Variants in CYP7B1 observed in about 807,000 individuals in gnomAD.
CYP7B1 encodes the protein cytochrome P450 7B1.
Under a neutral mutation model 42.7 loss-of-function variants are expected in CYP7B1, and 29 were observed. That is an observed-to-expected ratio of 0.68 (90% CI 0.51 to 0.93). The LOEUF (loss-of-function observed/expected upper bound fraction) is 0.93, where lower values mean the gene tolerates loss of function less well. CYP7B1 is among the 40% of genes least tolerant of loss of function. The pLI, the probability that CYP7B1 is intolerant of heterozygous loss-of-function variation, is 0.00. For missense variants in CYP7B1, 655 were observed against 600.5 expected (o/e 1.09, Z -0.95); for synonymous variants, 235 against 218.2 (o/e 1.08, Z -0.68).
At chr8:64,771,380 C>T (rs1037269089) in intron 1 of CYP7B1, among the ~76,000 whole-genome samples, 1 of 152,040 alleles carries the variant, frequency 6.6e-6, no homozygotes, top group Non-Finnish European at 1.5e-5. Context: ...TAAAAATGTA[C>T]ATGCTTTAAT....
intron 4 of CYP7B1, among the ~76,000 whole-genome samples, chr8:64,609,126 T>C (rs965503295): frequency 6.6e-6 from 1 of 152,202 alleles, no homozygotes; most frequent in East Asian, 1.9e-4. Flanking sequence ...AAGATCCTAC[T>C]GAAGATATTG....
intron 1 of CYP7B1, among the ~76,000 whole-genome samples, chr8:64,717,273 G>T (rs573211674): frequency 2.6e-5 from 4 of 152,254 alleles, no homozygotes; most frequent in African/African-American, 9.6e-5. Flanking sequence ...ACTGCAGAGG[G>T]AAGGGAGATA....
chr8:64,743,710 T>C (rs529186202), intron 1 of CYP7B1, among the ~76,000 whole-genome samples: 4 of 152,284 alleles, frequency 2.6e-5, no homozygotes, highest in African/African-American at 9.6e-5. Context: ...TAACTTCAAT[T>C]ACTTCTTTAA....
At chr8:64,761,413 T>A (rs1217124779) in intron 1 of CYP7B1, among the ~76,000 whole-genome samples, 3 of 152,154 alleles carry the variant, frequency 2.0e-5, no homozygotes, top group Admixed American at 2.0e-4. Flanking sequence ...TTACATAAGA[T>A]ATACTCATAT....
intron 1 of CYP7B1, among the ~76,000 whole-genome samples, chr8:64,649,961 ACAT>A (rs1246293654): frequency 2.6e-5 from 4 of 152,328 alleles, no homozygotes; most frequent in Admixed American, 2.6e-4. Flanking sequence ...AGATATTAAC[ACAT>A]CATCAGACAT....
intron 1 of CYP7B1, among the ~76,000 whole-genome samples, chr8:64,716,688 C>G (rs989232915): frequency 2.0e-5 from 3 of 152,314 alleles, no homozygotes; most frequent in African/African-American, 7.2e-5. Flanking sequence ...GCTCGGGCAA[C>G]AGAGAGAGAC....
At chr8:64,715,836 C>T (rs575722620) in intron 1 of CYP7B1, among the ~76,000 whole-genome samples, 18 of 152,318 alleles carry the variant, frequency 1.2e-4, no homozygotes, top group African/African-American at 3.8e-4. Flanking sequence ...ATTACAGTTG[C>T]AGGGGAAACC....
intron 1 of CYP7B1, chr8:64,728,137 T>C (rs1807350208): frequency 6.6e-6 from 1 of 152,186 alleles, no homozygotes; most frequent in African/African-American, 2.4e-5. Context: ...CATAAAAGGA[T>C]ACATAATTTT....
intron 1 of CYP7B1, among the ~76,000 whole-genome samples, chr8:64,674,096 G>C (rs549491942): frequency 1.3e-5 from 2 of 151,948 alleles, no homozygotes; most frequent in Admixed American, 1.3e-4. Flanking sequence ...GTGAATGATC[G>C]ACACTAATGG....
At chr8:64,736,426 CA>C (rs1467190440) in intron 1 of CYP7B1, among the ~76,000 whole-genome samples, 1 of 152,064 alleles carries the variant, frequency 6.6e-6, no homozygotes, top group Non-Finnish European at 1.5e-5. Flanking sequence ...TCGCTTTAGT[CA>C]AAAACTAACC....
chr8:64,740,901 A>C (rs1807557854), intron 1 of CYP7B1, among the ~76,000 whole-genome samples: 1 of 152,126 alleles, frequency 6.6e-6, no homozygotes, highest in East Asian at 1.9e-4. Context: ...AGATGATATA[A>C]ATGGCAAATT....
At chr8:64,764,314 G>A (rs1217387316) in intron 1 of CYP7B1, among the ~76,000 whole-genome samples, 3 of 132,764 alleles carry the variant, frequency 2.3e-5, no homozygotes, top group Non-Finnish European at 4.6e-5. Flanking sequence ...TGATAACCCA[G>A]TACTTTAACA....
intron 5 of CYP7B1, among the ~76,000 whole-genome samples, chr8:64,601,513 T>C (rs180860572): frequency 6.6e-6 from 1 of 152,302 alleles, no homozygotes; most frequent in Admixed American, 6.5e-5. Flanking sequence ...GTATCTTGCA[T>C]TGTGGCAGAA....
At chr8:64,744,307 A>C (rs964530789) in intron 1 of CYP7B1, among the ~76,000 whole-genome samples, 3 of 152,164 alleles carry the variant, frequency 2.0e-5, no homozygotes, top group African/African-American at 7.2e-5. Flanking sequence ...CTCATCTACC[A>C]GTTAATTCAA....
rs969038553 is a variant in CYP7B1 at position 64,798,694 on chromosome 8, AG to A, written c.-108del. 146 of 1,237,232 alleles carry A rather than the reference AG, an allele frequency of 1.2e-4. No homozygotes were observed. Among genetic ancestry groups the A allele is most frequent in the Non-Finnish European group, 1.5e-4 (140 of 947,884 alleles). 76.6% of individuals were successfully genotyped at this position (1,237,232 alleles called of 1,614,324 possible). A position where few individuals can be genotyped will look rare whatever the true frequency, so the allele number is the denominator to read the frequency against. Reference sequence around the variant, plus strand: ...TTCTCTCGGCGGCGCCCCCTAGTCCAGGGCCGGAGAGGCTGGCCTGCCCGCA... The same window carrying A: ...TTCTCTCGGCGGCGCCCCCTAGTCCAGGCCGGAGAGGCTGGCCTGCCCGCA... On this transcript the variant is annotated 5_prime_UTR_variant, in exon 1 of 6. Coordinates refer to ENST00000310193, the MANE Select transcript of CYP7B1 (RefSeq NM_004820.5).
At chr8:64,792,786 C>G (rs957819649) in intron 1 of CYP7B1, among the ~76,000 whole-genome samples, 14 of 152,058 alleles carry the variant, frequency 9.2e-5, no homozygotes, top group African/African-American at 3.4e-4. Flanking sequence ...AACTCTTAAA[C>G]AGATGAGATT....
At chr8:64,679,692 C>T (rs568740987) in intron 1 of CYP7B1, among the ~76,000 whole-genome samples, 5 of 152,222 alleles carry the variant, frequency 3.3e-5, no homozygotes, top group African/African-American at 7.2e-5. Context: ...CTTTTCCTAG[C>T]CCTCCTGTGA....
chr8:64,740,498 AT>A (rs1807551478), intron 1 of CYP7B1, among the ~76,000 whole-genome samples: 1 of 151,914 alleles, frequency 6.6e-6, no homozygotes, highest in Non-Finnish European at 1.5e-5. Context: ...AGTATACCTT[AT>A]AAAAGACAAA....
chr8:64,670,125 C>T (rs1177658004), intron 1 of CYP7B1, among the ~76,000 whole-genome samples: 1 of 152,208 alleles, frequency 6.6e-6, no homozygotes, highest in African/African-American at 2.4e-5. Context: ...TGTCTGTTGT[C>T]TGTGCCGTGC....
Sources: gnomAD v4.1 joint callset for allele counts (sites outside exome capture counted in the v4.1 genomes callset) on GRCh38, gnomAD v4.1.1 for gene constraint, MANE v1.5 for transcripts, NCBI Gene and HGNC (gene_info 2026-07-23, HGNC 2026-07-21) for gene names.